The following TMPRSS13 variants were observed in gnomAD, a reference collection of about 807,000 sequenced individuals.
TMPRSS13 encodes transmembrane serine protease 13, also known as transmembrane protease serine 13.
In TMPRSS13, 50 loss-of-function variants were observed where a neutral mutation model predicts 68.4. That is an observed-to-expected ratio of 0.73 (90% CI 0.58 to 0.93). The LOEUF (loss-of-function observed/expected upper bound fraction) is 0.93. Ranked by LOEUF, TMPRSS13 falls within the 40% of genes least tolerant of loss-of-function variation. The pLI is 0.00. For synonymous variants in TMPRSS13, 267 were observed against 285.8 expected, an observed-to-expected ratio of 0.93 and a Z score of 0.66; for missense variants, 615 against 729.2, an observed-to-expected ratio of 0.84 and a Z score of 1.80.
intron 1 of TMPRSS13, among the ~76,000 whole-genome samples, chr11:117,921,925 C>G (rs1245409039): frequency 1.3e-5 from 2 of 152,128 alleles, no homozygotes; most frequent in African/African-American, 4.8e-5. Flanking sequence ...GAGTGAGGTC[C>G]CCGCTCCACC....
rs1826329260 is a variant in TMPRSS13 at position 117,915,778 on chromosome 11, C to T, written c.557-1264G>A. 6.6e-6 allele frequency among the ~76,000 whole-genome samples: 1 copy of T among 152,212 alleles called. No homozygotes were observed. Among genetic ancestry groups the T allele is most frequent in the African/African-American group, 2.4e-5 (1 of 41,438 alleles). On this transcript the variant is annotated intron_variant, in intron 3 of 12. Transcript: ENST00000524993. The surrounding 1 kb of genome is among the most constrained non-coding windows in gnomAD (Gnocchi z 4.9). Reference sequence around the variant, plus strand: ...AGAGCTTTAGTTCTATTCTGTGAGCCCACCCGTGGGTGCCATCTCGCCCCT... The same window carrying T: ...AGAGCTTTAGTTCTATTCTGTGAGCTCACCCGTGGGTGCCATCTCGCCCCT...
chr11:117,917,135 C>T, intron 3 of TMPRSS13, 35 bp downstream of exon 3: 2 of 1,578,326 alleles, frequency 1.3e-6, no homozygotes, highest in Admixed American at 3.4e-5. Context: ...CCAGCAGTGC[C>T]CAGAACCCAC....
intron 9 of TMPRSS13, 86 bp downstream of exon 9, chr11:117,908,526 T>G: frequency 1.4e-6 from 2 of 1,453,802 alleles, no homozygotes; most frequent in Non-Finnish European, 1.9e-6. Flanking sequence ...GGCCCGGATA[T>G]GAGTTGACAG....
At chr11:117,911,891 C>A in intron 5 of TMPRSS13, 31 bp from the exon 6 acceptor site, 1 of 1,578,402 alleles carries the variant, frequency 6.3e-7, no homozygotes, top group Non-Finnish European at 8.7e-7. Flanking sequence ...GAAGAATGAG[C>A]CCCCTGGAGA....
rs545909600 is a variant in TMPRSS13, at chr11:117,903,689, G to A, written c.1643C>T (p.Thr548Ile). The change falls in exon 12 of 13, where the codon ACA becomes ATA. Residue 548 changes from threonine to isoleucine, a missense_variant. By Grantham distance (89) the Thr-to-Ile change is moderately conservative. Coordinates refer to ENST00000524993, the MANE Select transcript of TMPRSS13 (RefSeq NM_001077263.3). Reference sequence around the variant, plus strand: ...GCTGTAAATCCAGGGAAGAACTTCTGTCACTTTGGTGTACACACCAGGTTT... The same window carrying A: ...GCTGTAAATCCAGGGAAGAACTTCTATCACTTTGGTGTACACACCAGGTTT... ...RNKPGVYTKV[T>I]EVLPWIYSKM... 1 of 1,614,164 alleles carries A rather than the reference G, an allele frequency of 6.2e-7. No individual in the cohort carries two copies.
At chr11:117,911,938 C>T in intron 5 of TMPRSS13, 78 bp from the exon 6 acceptor site, 3 of 1,208,916 alleles carry the variant, frequency 2.5e-6, no homozygotes, top group South Asian at 1.3e-5. Context: ...GCTAGAGCCC[C>T]ACCAGCCCTG....
At chr11:117,905,552 A>G in intron 10 of TMPRSS13, 86 bp downstream of exon 10, 1 of 1,176,112 alleles carries the variant, frequency 8.5e-7, no homozygotes, top group Non-Finnish European at 1.2e-6. Context: ...TCATCTGTAT[A>G]CCCAGACACA....
intron 7 of TMPRSS13, among the ~76,000 whole-genome samples, chr11:117,910,286 A>C (rs2057508709): frequency 3.9e-5 from 6 of 152,094 alleles, no homozygotes; most frequent in Admixed American, 3.9e-4. Context: ...GGAGTGTCCC[A>C]AGCTTTGGGC....
chr11:117,917,541 GC>G (rs1460877498), intron 2 of TMPRSS13, among the ~76,000 whole-genome samples: 2 of 152,324 alleles, frequency 1.3e-5, no homozygotes, highest in Admixed American at 1.3e-4. Context: ...CAGGCACTTT[GC>G]CTGTGTTAAT....
chr11:117,927,417 G>A (rs868529751), intron 1 of TMPRSS13, among the ~76,000 whole-genome samples: 1 of 152,124 alleles, frequency 6.6e-6, no homozygotes, highest in Admixed American at 6.5e-5. Flanking sequence ...CAAAGCTGAC[G>A]GGGAACATGG....
intron 2 of TMPRSS13, 126 bp downstream of exon 2, chr11:117,918,283 C>G (rs1194452855): frequency 1.7e-6 from 2 of 1,185,484 alleles, no homozygotes; most frequent in Non-Finnish European, 2.3e-6. Context: ...TCACTTCCCA[C>G]CCCCCTACCT....
Position 117,918,411 on chromosome 11 carries a change from G to T in TMPRSS13, c.449C>A (p.Pro150Gln). Residue 150 changes from proline (P) to glutamine (Q), a missense_variant and splice_region_variant, in exon 2 of 13, where the codon CCA becomes CAA. Physicochemically the swap from Pro to Gln is moderately conservative, Grantham distance 76. Coordinates refer to ENST00000524993, the MANE Select transcript of TMPRSS13 (RefSeq NM_001077263.3). ...CTTCCCTACAGCATCCCCCTTACCTGGGCTCTCCCTGGTGGCCCTGGTTGC... is the reference window on the plus strand; with the variant it reads ...CTTCCCTACAGCATCCCCCTTACCTTGGCTCTCCCTGGTGGCCCTGGTTGC... Reference protein sequence around the residue: ...APATRATRESPGTSLPKFTWR... With the variant: ...APATRATRESQGTSLPKFTWR... 6.2e-7 allele frequency: 1 copy of T among 1,613,174 alleles called. No homozygotes were observed. The highest frequency in any genetic ancestry group is 8.5e-7 in the Non-Finnish European group (1 of 1,179,288).
rs1461338526 is a variant in TMPRSS13, at chr11:117,908,706, G to T, written c.1188C>A (p.Ser396=). 6.2e-7 allele frequency: 1 copy of T among 1,606,678 alleles called. No homozygotes were observed. The highest frequency in any genetic ancestry group is 2.2e-5 in the East Asian group (1 of 44,634). ...TGCTGTTGATGATGATCTCGGCAATGGAGGCTGCCTCAGGCAACTGGTGCA... is the reference window on the plus strand; with the variant it reads ...TGCTGTTGATGATGATCTCGGCAATTGAGGCTGCCTCAGGCAACTGGTGCA... ...SNLHQLPEAA[S]IAEIIINSNY... The change falls in exon 9 of 13, where the codon TCC becomes TCA. Residue 396 remains serine (S), a synonymous_variant. Coordinates refer to ENST00000524993, the MANE Select transcript of TMPRSS13 (RefSeq NM_001077263.3).
chr11:117,905,302 C>T (rs1174157013), intron 10 of TMPRSS13, among the ~76,000 whole-genome samples: 4 of 152,072 alleles, frequency 2.6e-5, no homozygotes, highest in Non-Finnish European at 4.4e-5. Flanking sequence ...CTAAATCCTA[C>T]GAGCATTCCC....
At chr11:117,926,093 C>T (rs895436319) in intron 1 of TMPRSS13, among the ~76,000 whole-genome samples, 13 of 150,238 alleles carry the variant, frequency 8.7e-5, no homozygotes, top group African/African-American at 3.0e-4. Flanking sequence ...CCTTGGAGGA[C>T]GAGGTGAGGG....
chr11:117,903,708 C>T lies in TMPRSS13; in HGVS notation c.1624G>A (p.Gly542Ser). The part of the protein sequence containing the change: ...GTGCGQRNKP[G>S]VYTKVTEVLP... ...ACTTCTGTCACTTTGGTGTACACAC[C>T]AGGTTTGTTTCTCTGGCCACAGCCT... Residue 542 changes from glycine (G) to serine (S), a missense_variant, in exon 12 of 13, where the codon GGT (glycine) becomes AGT (serine). Physicochemically the swap from Gly to Ser is moderately conservative, Grantham distance 56. Coordinates refer to ENST00000524993, the MANE Select transcript of TMPRSS13 (RefSeq NM_001077263.3). 6.2e-7 allele frequency: 1 copy of T among 1,614,056 alleles called. No individual in the cohort carries two copies. Among genetic ancestry groups the T allele is most frequent in the East Asian group, 2.2e-5 (1 of 44,882 alleles).
At chr11:117,924,427 G>A (rs2057681740) in intron 1 of TMPRSS13, among the ~76,000 whole-genome samples, 2 of 152,078 alleles carry the variant, frequency 1.3e-5, no homozygotes, top group Non-Finnish European at 2.9e-5. Context: ...CCCCGTGGCA[G>A]CGTCCCTTTT....
intron 1 of TMPRSS13, 105 bp from the exon 2 acceptor site, chr11:117,918,943 G>A (rs1441306428): frequency 6.7e-7 from 1 of 1,493,226 alleles, no homozygotes. Context: ...CAGCAGCTAG[G>A]GGTTGAGCAA....
At chr11:117,903,594 G>A (rs1163765810) in intron 12 of TMPRSS13, 61 bp downstream of exon 12, 1 of 1,611,406 alleles carries the variant, frequency 6.2e-7, no homozygotes, top group Non-Finnish European at 8.5e-7. Context: ...GCTCCTCCAG[G>A]GTCCCCACCT....
Sources: allele counts gnomAD v4.1 joint callset (sites outside exome capture counted in the v4.1 genomes callset), GRCh38; gene constraint gnomAD v4.1.1; non-coding constraint Gnocchi (gnomAD v3.1); transcripts MANE v1.5; gene names NCBI Gene and HGNC (gene_info 2026-07-23, HGNC 2026-07-21).